Variants in AFF3 observed in about 807,000 individuals in gnomAD.
The protein encoded by AFF3 is ALF transcription elongation factor 3, also known as AF4/FMR2 family member 3.
AFF3 carries 32 observed loss-of-function variants against 129.7 expected under a neutral mutation model. The ratio of observed to expected loss-of-function variants is 0.25; its 90% CI spans 0.19 to 0.33. AFF3 has a LOEUF of 0.33. Among genes scored for constraint, AFF3 ranks in the 10% least tolerant of loss-of-function variants. The probability of loss-of-function intolerance (pLI) is 1.00; values close to 1 mark genes in which losing one functional copy is unlikely to be tolerated. For missense variants in AFF3, 1,373 were observed against 1,592.0 expected, an observed-to-expected ratio of 0.86 and a Z score of 2.34; for synonymous variants, 644 against 635.4, an observed-to-expected ratio of 1.01 and a Z score of -0.20.
At chr2:99,562,220 G>A (rs573899571) in intron 20 of AFF3, among the ~76,000 whole-genome samples, 1 of 152,274 alleles carries the variant, frequency 6.6e-6, no homozygotes, top group Non-Finnish European at 1.5e-5. Flanking sequence ...AATTTGGCAA[G>A]TTTCAGCCAT....
rs1674092130 is a variant in AFF3 at position 99,546,938 on chromosome 2, G to A, written c.*4536C>T. The A allele has an allele frequency of 9.0e-6, 2 of 221,424 alleles. No homozygotes were observed. The highest frequency in any genetic ancestry group is 2.2e-5 in the African/African-American group (1 of 44,730). 13.7% of individuals were successfully genotyped at this position (221,424 alleles called of 1,614,324 possible). ...GAGCCTTCACTGGGACACTGGGAGC[G>A]TGCATGTGCATACGTGCATGCATGT... On this transcript the variant is annotated 3_prime_UTR_variant, in exon 25 of 25. Transcript: ENST00000672756.
chr2:100,119,105 A>G (rs6743817), intron 2 of AFF3, among the ~76,000 whole-genome samples: 24,610 of 152,166 alleles, frequency 0.16, 2,389 homozygotes, highest in African/African-American at 0.25. Flanking sequence ...CCTAGCCCTA[A>G]TTCTGGATTT....
intron 7 of AFF3, among the ~76,000 whole-genome samples, chr2:99,957,182 C>CATGTAGTGTGTGTGTGCGT (rs1676737587): frequency 6.6e-6 from 1 of 150,528 alleles, no homozygotes; most frequent in African/African-American, 2.5e-5. Flanking sequence ...TGTGTGTGTG[C>CATGTAGTGTGTGTGTGCGT]GTGTGTGTGT....
At chr2:100,059,174 A>G (rs1000949065) in intron 4 of AFF3, among the ~76,000 whole-genome samples, 1 of 139,438 alleles carries the variant, frequency 7.2e-6, no homozygotes, top group African/African-American at 2.7e-5. Context: ...AATAGCTTGA[A>G]CCTGGGAGGC....
At chr2:99,600,493 G>A (rs1679720211) in intron 14 of AFF3, among the ~76,000 whole-genome samples, 1 of 152,132 alleles carries the variant, frequency 6.6e-6, no homozygotes, top group Admixed American at 6.5e-5. Context: ...GGCCCATTAA[G>A]GTGCTCCCCT....
At chr2:99,998,826 A>G (rs1294491724) in intron 7 of AFF3, among the ~76,000 whole-genome samples, 1 of 152,196 alleles carries the variant, frequency 6.6e-6, no homozygotes, top group Non-Finnish European at 1.5e-5. Flanking sequence ...GCAGAGAAAA[A>G]GGCTGAGAGA....
chr2:99,562,739 G>C (rs1435440110), intron 20 of AFF3, among the ~76,000 whole-genome samples: 1 of 152,170 alleles, frequency 6.6e-6, no homozygotes, highest in Non-Finnish European at 1.5e-5. Flanking sequence ...TTGACCATTA[G>C]GTTAGGAGAC....
At chr2:100,121,001 T>G (rs1476781042) in intron 2 of AFF3, among the ~76,000 whole-genome samples, 2 of 152,174 alleles carry the variant, frequency 1.3e-5, no homozygotes, top group Non-Finnish European at 2.9e-5. Flanking sequence ...ATTCAGGGAC[T>G]GTGAATGTCA....
At chr2:100,108,252 G>A (rs1451689328) in intron 2 of AFF3, among the ~76,000 whole-genome samples, 2 of 152,200 alleles carry the variant, frequency 1.3e-5, no homozygotes, top group African/African-American at 4.8e-5. Context: ...CCCCAGGACA[G>A]CGTAGATTTT....
chr2:99,685,858 T>C (rs1282173005), intron 11 of AFF3, among the ~76,000 whole-genome samples: 1 of 152,102 alleles, frequency 6.6e-6, no homozygotes, highest in Non-Finnish European at 1.5e-5. Context: ...GTGGGTCTAT[T>C]CACTGATGGA....
chr2:99,719,906 G>A (rs1037368685), intron 11 of AFF3, among the ~76,000 whole-genome samples: 7 of 152,118 alleles, frequency 4.6e-5, no homozygotes, highest in African/African-American at 1.7e-4. Context: ...GCATGGTGGC[G>A]GGCGCCTGTA....
chr2:99,844,959 T>TAAAA (rs370587161), intron 7 of AFF3, among the ~76,000 whole-genome samples: 2 of 142,216 alleles, frequency 1.4e-5, no homozygotes, highest in African/African-American at 5.1e-5. Context: ...ACCAATACAC[T>TAAAA]AAAAAAAAAA....
intron 2 of AFF3, among the ~76,000 whole-genome samples, chr2:100,124,031 AAAG>A (rs1263938518): frequency 1.3e-5 from 2 of 152,346 alleles, no homozygotes; most frequent in East Asian, 3.9e-4. Flanking sequence ...AAAAAGAAAC[AAAG>A]AATAAAAGAG....
chr2:99,893,786 CA>C (rs35350963), intron 7 of AFF3, among the ~76,000 whole-genome samples: 1 of 152,176 alleles, frequency 6.6e-6, no homozygotes, highest in Non-Finnish European at 1.5e-5. Flanking sequence ...CAGAAACTTC[CA>C]AATACCTTTA....
chr2:99,625,587 T>C (rs1311834119), intron 13 of AFF3, among the ~76,000 whole-genome samples: 2 of 152,118 alleles, frequency 1.3e-5, no homozygotes, highest in African/African-American at 2.4e-5. Flanking sequence ...TTTTGCAAAG[T>C]GTCTTCTGGG....
At chr2:99,986,555 GTAT>G (rs1679894734) in intron 7 of AFF3, among the ~76,000 whole-genome samples, 1 of 152,102 alleles carries the variant, frequency 6.6e-6, no homozygotes, top group East Asian at 1.9e-4. Flanking sequence ...ATTGTGAACT[GTAT>G]TATTAGTACT....
At chr2:99,994,798 C>T (rs1407583732) in intron 7 of AFF3, among the ~76,000 whole-genome samples, 2 of 152,148 alleles carry the variant, frequency 1.3e-5, no homozygotes, top group Non-Finnish European at 1.5e-5. Flanking sequence ...TAGTGTTATT[C>T]TTTATTTTTG....
At chr2:99,995,653 G>C (rs1031960396) in intron 7 of AFF3, among the ~76,000 whole-genome samples, 17 of 151,976 alleles carry the variant, frequency 1.1e-4, no homozygotes, top group African/African-American at 4.1e-4. Flanking sequence ...ATTACACCAC[G>C]CCTGGCCCAT....
chr2:99,885,224 C>A (rs114851453), intron 7 of AFF3, among the ~76,000 whole-genome samples: 2,006 of 152,310 alleles, frequency 0.013, 40 homozygotes, highest in African/African-American at 0.046. Flanking sequence ...ATCCCACCTG[C>A]AATGCCTTTC....
Sources: allele counts gnomAD v4.1 joint callset (sites outside exome capture counted in the v4.1 genomes callset), GRCh38; gene constraint gnomAD v4.1.1; transcripts MANE v1.5; gene names NCBI Gene and HGNC (gene_info 2026-07-23, HGNC 2026-07-21).